ANKRD30B: variants seen among roughly 807,000 people sequenced by gnomAD.
ANKRD30B encodes ankyrin repeat domain 30B, also known as ankyrin repeat domain-containing protein 30B.
In ANKRD30B, 144 loss-of-function variants were observed where a neutral mutation model predicts 202.2. The ratio of observed to expected loss-of-function variants is 0.71; its 90% CI spans 0.62 to 0.82. The LOEUF (loss-of-function observed/expected upper bound fraction) is 0.82, where lower values mean the gene tolerates loss of function less well. Among genes scored for constraint, ANKRD30B ranks in the 40% least tolerant of loss-of-function variants. The pLI, the probability that ANKRD30B is intolerant of heterozygous loss-of-function variation, is 0.00. For missense variants in ANKRD30B, 1,487 were observed against 1,669.1 expected (o/e 0.89, Z 1.90); for synonymous variants, 508 against 561.3 (o/e 0.91, Z 1.34).
At chr18:14,897,214 A>G in the ANKRD30B span, among the ~76,000 whole-genome samples, 9 of 152,218 alleles carry the variant, frequency 5.9e-5, no homozygotes, top group Non-Finnish European at 1.3e-4. Context: ...GAAGTGTAAC[A>G]AAATAGTGAG....
At chr18:14,821,351 GTC>G (rs1970411918) in intron 30 of ANKRD30B, among the ~76,000 whole-genome samples, 1 of 151,846 alleles carries the variant, frequency 6.6e-6, no homozygotes. Flanking sequence ...GGTTTTTTGT[GTC>G]TCTATTTCCT....
chr18:14,748,479 C>T lies in ANKRD30B; in HGVS notation c.60C>T (p.Pro20=). The T allele has an allele frequency of 6.5e-7, 1 of 1,547,234 alleles. No individual in the cohort carries two copies. Among genetic ancestry groups the T allele is most frequent in the Non-Finnish European group, 8.7e-7 (1 of 1,144,458 alleles). Residue 20 remains proline (P), a synonymous_variant, in exon 1 of 44, where the codon CCC becomes CCT. Coordinates refer to ENST00000690538, the MANE Select transcript of ANKRD30B (RefSeq NM_001367607.2). ...KGVRGPEPPN[P]FSERVYTEKD... ...TGCGGGGCCCGGAGCCCCCGAACCC[C>T]TTCAGCGAACGGGTCTACACTGAGA... is the stretch of plus-strand genomic sequence containing the variant.
chr18:14,934,530 G>A, the ANKRD30B span, among the ~76,000 whole-genome samples: 2 of 152,142 alleles, frequency 1.3e-5, 1 homozygote, highest in Non-Finnish European at 2.9e-5. Flanking sequence ...AGGTTGCACT[G>A]TTAAAAGACC....
chr18:14,765,208 C>A lies in ANKRD30B; in HGVS notation c.1225+1118C>A, dbSNP rs138068733. Among the ~76,000 whole-genome samples, 377 of 152,216 alleles carry A rather than the reference C, an allele frequency of 2.5e-3. 3 individuals are homozygous for A. The highest frequency in any genetic ancestry group is 8.6e-3 in the African/African-American group (359 of 41,538). ...GGGTGTGGTGGCTCACGCCTATAAT[C>A]CCAGCAGTTTGGGAGGCTGAGGCAT... is the stretch of plus-strand genomic sequence containing the variant. On this transcript the variant is annotated intron_variant, in intron 7 of 43. Transcript: ENST00000690538.
At chr18:14,894,553 CA>C in the ANKRD30B span, among the ~76,000 whole-genome samples, 1 of 150,538 alleles carries the variant, frequency 6.6e-6, no homozygotes, top group East Asian at 1.9e-4. Flanking sequence ...TTTCAAGTTG[CA>C]AAAAAAAGTG....
chr18:14,818,039 G>A (rs1054033383), intron 30 of ANKRD30B, among the ~76,000 whole-genome samples: 2 of 152,062 alleles, frequency 1.3e-5, no homozygotes, highest in East Asian at 1.9e-4. Context: ...ATATATTAAA[G>A]TATGTTGTAC....
intron 22 of ANKRD30B, 138 bp downstream of exon 22, chr18:14,799,433 T>A: frequency 1.1e-6 from 1 of 938,906 alleles, no homozygotes; most frequent in Non-Finnish European, 1.5e-6. Context: ...GCAACATTAG[T>A]ATTCATGTTT....
At chr18:14,806,192 C>G (rs528557851) in intron 24 of ANKRD30B, among the ~76,000 whole-genome samples, 2 of 148,014 alleles carry the variant, frequency 1.4e-5, no homozygotes, top group South Asian at 4.4e-4. Context: ...TGCCCTCCAG[C>G]CTGGGTGACA....
At chr18:14,785,934 A>C (rs1171757128) in intron 14 of ANKRD30B, among the ~76,000 whole-genome samples, 1 of 149,120 alleles carries the variant, frequency 6.7e-6, no homozygotes, top group Non-Finnish European at 1.5e-5. Flanking sequence ...GCTACTCGGG[A>C]GGCTGAGGCA....
chr18:14,842,265 T>C (rs1971449038), intron 37 of ANKRD30B, among the ~76,000 whole-genome samples: 1 of 152,264 alleles, frequency 6.6e-6, no homozygotes, highest in African/African-American at 2.4e-5. Flanking sequence ...CAAGAAAATT[T>C]CTGAGGATAA....
intron 39 of ANKRD30B, among the ~76,000 whole-genome samples, chr18:14,844,373 AG>A (rs1449416343): frequency 1.3e-5 from 2 of 152,210 alleles, no homozygotes; most frequent in African/African-American, 4.8e-5. Context: ...GGACCATTAA[AG>A]CTATGCTGTT....
At chr18:14,892,742 C>CAAAAAAAA in the ANKRD30B span, among the ~76,000 whole-genome samples, 23 of 72,898 alleles carry the variant, frequency 3.2e-4, no homozygotes, top group Non-Finnish European at 4.2e-4. Context: ...TCTGTTTCAC[C>CAAAAAAAA]AAAAAAAAAA....
At chr18:14,884,837 T>A in the ANKRD30B span, among the ~76,000 whole-genome samples, 6 of 152,074 alleles carry the variant, frequency 3.9e-5, no homozygotes, top group African/African-American at 1.4e-4. Context: ...TGACAAACCA[T>A]TCAAAATTAA....
At chr18:14,915,768 A>G in the ANKRD30B span, 1 of 152,220 alleles carries the variant, frequency 6.6e-6, no homozygotes, top group Non-Finnish European at 1.5e-5. Context: ...AAGCACATAT[A>G]CTTCAAAATG....
chr18:14,806,765 A>G (rs1969549443), intron 24 of ANKRD30B, among the ~76,000 whole-genome samples: 1 of 149,220 alleles, frequency 6.7e-6, no homozygotes, highest in Admixed American at 6.6e-5. Context: ...AAAGGAAAAT[A>G]TTTTGGTTAC....
At chr18:14,791,042 G>C (rs1279970463) in intron 15 of ANKRD30B, among the ~76,000 whole-genome samples, 1 of 152,154 alleles carries the variant, frequency 6.6e-6, no homozygotes, top group African/African-American at 2.4e-5. Flanking sequence ...TGGTTGGTAA[G>C]CTATTGATTA....
In ANKRD30B at chr18:14,850,230, GAAGAA is replaced by G; in HGVS notation, c.3413_3417del (p.Glu1138GlyfsTer14). The G allele has an allele frequency of 6.4e-7, 1 of 1,550,566 alleles. No homozygotes were observed. ...TAATGGCAGATTGACTTTAAATCAA[GAAGAA>G]GAGAAGAGAAGAAATGTCGATATAT... is the stretch of plus-strand genomic sequence containing the variant. On this transcript the variant is annotated frameshift_variant, in exon 41 of 44. Transcript: ENST00000690538. LOFTEE classifies it high-confidence loss of function.
At chr18:14,759,718 T>A (rs1054359727) in intron 5 of ANKRD30B, among the ~76,000 whole-genome samples, 14 of 152,178 alleles carry the variant, frequency 9.2e-5, no homozygotes, top group African/African-American at 3.4e-4. Flanking sequence ...TAGAGGATAA[T>A]CAGGTTATCC....
chr18:14,816,369 G>T (rs1970102622), intron 30 of ANKRD30B: 1 of 152,006 alleles, frequency 6.6e-6, no homozygotes, highest in Non-Finnish European at 1.5e-5. Flanking sequence ...TTTCAGGCCG[G>T]GCACTGTGGT....
Sources: gnomAD v4.1 joint callset for allele counts (sites outside exome capture counted in the v4.1 genomes callset) on GRCh38, gnomAD v4.1.1 for gene constraint, MANE v1.5 for transcripts, NCBI Gene and HGNC (gene_info 2026-07-23, HGNC 2026-07-21) for gene names.